Variants in ATP13A3 observed in about 807,000 individuals in gnomAD.
The protein encoded by ATP13A3 is polyamine-transporting ATPase 13A3.
In ATP13A3, 59 loss-of-function variants were observed where a neutral mutation model predicts 158.1. The ratio of observed to expected loss-of-function variants is 0.37; its 90% confidence interval spans 0.30 to 0.46. The LOEUF (loss-of-function observed/expected upper bound fraction) is 0.46, where lower values mean the gene tolerates loss of function less well. Ranked by LOEUF, ATP13A3 falls within the 20% of genes least tolerant of loss-of-function variation. ATP13A3 has a pLI of 1.00. For synonymous variants in ATP13A3, 491 were observed against 504.3 expected (o/e 0.97, Z 0.35); for missense variants, 1,166 against 1,525.2 (o/e 0.76, Z 3.92).
chr3:194,415,085 G>A (rs951838271), intron 31 of ATP13A3, among the ~76,000 whole-genome samples: 1 of 152,222 alleles, frequency 6.6e-6, no homozygotes. Context: ...AGTGGAAAAT[G>A]AGACTGGAGA....
At chr3:194,408,645 G>A (rs968288389) in intron 33 of ATP13A3, among the ~76,000 whole-genome samples, 3 of 151,964 alleles carry the variant, frequency 2.0e-5, no homozygotes, top group South Asian at 2.1e-4. Flanking sequence ...CAGTGTACAC[G>A]TGTCACAATT....
chr3:194,446,174 G>A (rs1176232254), intron 14 of ATP13A3, among the ~76,000 whole-genome samples: 1 of 152,148 alleles, frequency 6.6e-6, no homozygotes, highest in East Asian at 1.9e-4. Context: ...GAGAAAATAA[G>A]AAATATAGCA....
chr3:194,469,748 A>C (rs1365835000), intron 2 of ATP13A3, among the ~76,000 whole-genome samples: 1 of 152,202 alleles, frequency 6.6e-6, no homozygotes, highest in Non-Finnish European at 1.5e-5. Context: ...TGCTTTAATG[A>C]TCTTGAAATA....
chr3:194,473,177 T>G lies in ATP13A3; in HGVS notation c.-46-10941A>C, dbSNP rs1577090918. On this transcript the variant is annotated intron_variant, in intron 2 of 33. Transcript: ENST00000645319. Reference sequence around the variant, plus strand: ...AAATTTCAATGAGAAATTATATATTTTAGTACCAGTGGAGATCGTGACATG... The same window carrying G: ...AAATTTCAATGAGAAATTATATATTGTAGTACCAGTGGAGATCGTGACATG... Among the ~76,000 whole-genome samples, 8 of 152,310 alleles carry G rather than the reference T, an allele frequency of 5.3e-5. No homozygotes were observed. The South Asian group carries it at 1.7e-3, about 32-fold the overall frequency.
chr3:194,461,067 C>T (rs1285112376), intron 3 of ATP13A3, among the ~76,000 whole-genome samples: 1 of 152,024 alleles, frequency 6.6e-6, no homozygotes, highest in Non-Finnish European at 1.5e-5. Flanking sequence ...TTAATTTATG[C>T]CTAATACGTT....
intron 16 of ATP13A3, among the ~76,000 whole-genome samples, chr3:194,441,079 A>G (rs1718021647): frequency 6.6e-6 from 1 of 152,212 alleles, no homozygotes; most frequent in South Asian, 2.1e-4. Flanking sequence ...CAGGGGCCTG[A>G]GCTGGTCAGC....
chr3:194,472,811 G>T (rs1467945318), intron 2 of ATP13A3, among the ~76,000 whole-genome samples: 1 of 152,174 alleles, frequency 6.6e-6, no homozygotes. Flanking sequence ...GGAATACTAT[G>T]CAGCCATAAA....
chr3:194,443,626 T>C (rs1260136222), intron 15 of ATP13A3, among the ~76,000 whole-genome samples: 1 of 152,154 alleles, frequency 6.6e-6, no homozygotes, highest in Non-Finnish European at 1.5e-5. Flanking sequence ...TGACATACTA[T>C]TTTCCAAGAC....
intron 9 of ATP13A3, 34 bp downstream of exon 9, chr3:194,454,224 A>G (rs367833268): frequency 1.7e-5 from 26 of 1,551,646 alleles, no homozygotes; most frequent in Non-Finnish European, 2.2e-5. Flanking sequence ...AAATACAAAT[A>G]CAGTTGTGAA....
At chr3:194,438,279 A>T (rs1214019072) in intron 17 of ATP13A3, among the ~76,000 whole-genome samples, 2 of 152,226 alleles carry the variant, frequency 1.3e-5, no homozygotes, top group African/African-American at 4.8e-5. Context: ...AATCTTGGTA[A>T]ATTTCTTGGA....
upstream of ATP13A3, chr3:194,488,831 C>T (rs940933691): frequency 6.6e-6 from 1 of 152,266 alleles, no homozygotes; most frequent in African/African-American, 2.4e-5. This position sits in a 1 kb window ranked among gnomAD's most constrained non-coding sequence, Gnocchi z 4.1. Context: ...ACTCATTCTT[C>T]TGGGATTGCC....
chr3:194,473,999 A>G (rs999537539), intron 2 of ATP13A3, among the ~76,000 whole-genome samples: 9 of 152,086 alleles, frequency 5.9e-5, no homozygotes, highest in Admixed American at 5.9e-4. Context: ...AACTGTTAAC[A>G]TCATCTTGTA....
chr3:194,431,607 G>C (rs1466600074), intron 22 of ATP13A3, 110 bp downstream of exon 22: 2 of 1,128,926 alleles, frequency 1.8e-6, no homozygotes, highest in Admixed American at 7.3e-5. Context: ...CCTGACTTCT[G>C]TTTTCATTTA....
chr3:194,466,219 A>T (rs1577085435), intron 2 of ATP13A3, among the ~76,000 whole-genome samples: 1 of 152,178 alleles, frequency 6.6e-6, no homozygotes, highest in Non-Finnish European at 1.5e-5. Context: ...CTCCCAGAGT[A>T]ACCGCTATAG....
Position 194,455,979 on chromosome 3 carries a change from C to A in ATP13A3, c.561-17G>T. ...AGCAGTTTTCTATAACAGGAAAATA[C>A]ATTCATAGTATTACATTATATCATA... is the stretch of plus-strand genomic sequence containing the variant. On this transcript the variant is annotated splice_polypyrimidine_tract_variant and intron_variant, in intron 7 of 33. Coordinates refer to ENST00000645319, the MANE Select transcript of ATP13A3 (RefSeq NM_001367549.1). 7.0e-7 allele frequency: 1 copy of A among 1,425,774 alleles called. No individual in the cohort carries two copies. The highest frequency in any genetic ancestry group is 2.4e-5 in the East Asian group (1 of 42,036). The allele number at this position is 1,425,774 out of a possible 1,614,324, so 88.3% of individuals were successfully genotyped here.
At chr3:194,429,433 C>G (rs1717057468) in intron 27 of ATP13A3, among the ~76,000 whole-genome samples, 1 of 152,202 alleles carries the variant, frequency 6.6e-6, no homozygotes, top group African/African-American at 2.4e-5. Flanking sequence ...GTGGCCATCG[C>G]TGTTTATACT....
chr3:194,493,819 T>C (rs1333576430), intron 2 of ATP13A3, among the ~76,000 whole-genome samples: 1 of 152,176 alleles, frequency 6.6e-6, no homozygotes, highest in Non-Finnish European at 1.5e-5. Flanking sequence ...ATGCCAACAC[T>C]AAAAGTAGTA....
rs1208911192 is a variant in ATP13A3 at position 194,425,460 on chromosome 3, TTCA to T, written c.3192_3194del (p.Asp1064del). The T allele has an allele frequency of 3.7e-6, 6 of 1,613,470 alleles. No individual in the cohort carries two copies. The highest frequency in any genetic ancestry group is 3.3e-5 in the South Asian group (3 of 91,032). On this transcript the variant is annotated inframe_deletion, in exon 30 of 34. Transcript: ENST00000645319. ...TATTTTCATAATTTTGTATATTATGTTCATCAAGTTCGGTTTCATTGTCTACGT... is the reference window on the plus strand; with the variant it reads ...TATTTTCATAATTTTGTATATTATGTTCAAGTTCGGTTTCATTGTCTACGT...
intron 30 of ATP13A3, 66 bp from the exon 31 acceptor site, chr3:194,420,033 T>C: frequency 4.9e-6 from 7 of 1,422,700 alleles, no homozygotes; most frequent in Non-Finnish European, 6.4e-6. Flanking sequence ...AGGCATCCAA[T>C]AACAGCTGGT....
Sources: gnomAD v4.1 joint callset for allele counts (sites outside exome capture counted in the v4.1 genomes callset) on GRCh38, gnomAD v4.1.1 for gene constraint, Gnocchi (gnomAD v3.1) non-coding constraint, MANE v1.5 for transcripts, NCBI Gene and HGNC (gene_info 2026-07-23, HGNC 2026-07-21) for gene names.